Variants in TLK2 observed in about 807,000 individuals in gnomAD.
TLK2 encodes the protein serine/threonine-protein kinase tousled-like 2.
Under a neutral mutation model 117.3 loss-of-function variants are expected in TLK2, and 6 were observed. The ratio of observed to expected loss-of-function variants is 0.05; its 90% CI spans 0.03 to 0.10. The LOEUF (loss-of-function observed/expected upper bound fraction) is 0.10. Ranked by LOEUF, TLK2 falls within the 10% of genes least tolerant of loss-of-function variation. TLK2 has a pLI of 1.00. For synonymous variants in TLK2, 257 were observed against 316.7 expected (o/e 0.81, Z 2.00); for missense variants, 299 against 901.2 (o/e 0.33, Z 8.56).
intron 10 of TLK2, among the ~76,000 whole-genome samples, chr17:62,563,952 A>G (rs1182544005): frequency 3.3e-5 from 5 of 152,212 alleles, no homozygotes; most frequent in Non-Finnish European, 5.9e-5. Context: ...GATTTGGAAC[A>G]TCAAACTGGA....
At chr17:62,562,640 T>TA (rs1039724618) in intron 10 of TLK2, among the ~76,000 whole-genome samples, 2 of 151,908 alleles carry the variant, frequency 1.3e-5, no homozygotes, top group Non-Finnish European at 2.9e-5. Context: ...TGACTAGAAA[T>TA]AAAAAAAACC....
At chr17:62,522,891 CAA>C (rs1007533533) in intron 4 of TLK2, among the ~76,000 whole-genome samples, 11 of 152,214 alleles carry the variant, frequency 7.2e-5, no homozygotes, top group Non-Finnish European at 1.3e-4. Context: ...CCCAAAGTGA[CAA>C]GAAAAATTAC....
intron 19 of TLK2, among the ~76,000 whole-genome samples, chr17:62,604,454 T>C (rs1266319581): frequency 1.3e-5 from 2 of 152,132 alleles, no homozygotes; most frequent in African/African-American, 4.8e-5. Context: ...AGAGCTGTCT[T>C]TTACTCTCCT....
chr17:62,552,825 TTATTAG>T (rs1376343819), intron 8 of TLK2, among the ~76,000 whole-genome samples: 1 of 152,184 alleles, frequency 6.6e-6, no homozygotes, highest in Non-Finnish European at 1.5e-5. Context: ...TACAAAATGT[TTATTAG>T]TAGTGTACTT....
At chr17:62,519,195 T>C (rs1414626222) in intron 2 of TLK2, among the ~76,000 whole-genome samples, 2 of 152,188 alleles carry the variant, frequency 1.3e-5, no homozygotes, top group Non-Finnish European at 2.9e-5. Context: ...TGTTTTGAGT[T>C]AATTTTTATG....
chr17:62,488,756 T>C (rs1293470962), intron 2 of TLK2, among the ~76,000 whole-genome samples: 1 of 152,174 alleles, frequency 6.6e-6, no homozygotes, highest in Non-Finnish European at 1.5e-5. Flanking sequence ...CAGATATTTT[T>C]AACTTATCAA....
intron 19 of TLK2, among the ~76,000 whole-genome samples, chr17:62,605,102 C>T (rs373672999): frequency 1.6e-4 from 24 of 151,644 alleles, no homozygotes; most frequent in African/African-American, 3.1e-4. Context: ...CTGAGGCGGG[C>T]GGATCACGAG....
At chr17:62,554,476 G>A (rs2146242060) in intron 9 of TLK2, among the ~76,000 whole-genome samples, 1 of 152,268 alleles carries the variant, frequency 6.6e-6, no homozygotes, top group East Asian at 1.9e-4. Flanking sequence ...TAGCTACTTG[G>A]GAGGCTGAGA....
rs2071262467 is a variant in TLK2 at position 62,478,978 on chromosome 17, C to T, written c.-318C>T. On this transcript the variant is annotated 5_prime_UTR_variant, in exon 1 of 22. Transcript: ENST00000346027. ...TGGCCCGGCCTGGGCCCTCCTGCGC[C>T]TCCCTTGGCCTTTGTCCGGCGCCAG... 1 of 150,978 alleles carries T rather than the reference C, an allele frequency of 6.6e-6. No individual in the cohort carries two copies. Among genetic ancestry groups the T allele is most frequent in the Admixed American group, 6.6e-5 (1 of 15,166 alleles). The allele number at this position is 150,978 out of a possible 1,614,324, so 9.4% of individuals were successfully genotyped here.
intron 19 of TLK2, among the ~76,000 whole-genome samples, chr17:62,605,415 C>T (rs1353419318): frequency 6.6e-6 from 1 of 152,132 alleles, no homozygotes; most frequent in South Asian, 2.1e-4. Flanking sequence ...GTCTCACTCT[C>T]TTGCTGGAGT....
At position 62,539,748 on chromosome 17, in the gene TLK2, C is replaced by T. The variant is rs148539044; in HGVS notation, c.531+3411C>T. On this transcript the variant is annotated intron_variant, in intron 7 of 21. Transcript: ENST00000346027. ...AACTCCTGACCTCAAGTGATCCTCC[C>T]GCCTCGGCCTCCCCAAAGTTCTGGG... Among the ~76,000 whole-genome samples the T allele has an allele frequency of 3.9e-5, 6 of 152,224 alleles. No homozygotes were observed. The East Asian group carries it at 5.8e-4, about 15-fold the overall frequency.
At chr17:62,473,112 G>T (rs1302183040) in intron 1 of TLK2, among the ~76,000 whole-genome samples, 1 of 152,168 alleles carries the variant, frequency 6.6e-6, no homozygotes, top group Non-Finnish European at 1.5e-5. Flanking sequence ...TACAGGCTGT[G>T]GGGCTGGGGG....
At chr17:62,561,837 A>G (rs905250792) in intron 10 of TLK2, among the ~76,000 whole-genome samples, 3 of 152,244 alleles carry the variant, frequency 2.0e-5, no homozygotes, top group African/African-American at 7.2e-5. Context: ...ACTTCCTGAA[A>G]TCAGCAGAGA....
intron 11 of TLK2, among the ~76,000 whole-genome samples, chr17:62,569,883 C>T (rs777381618): frequency 2.6e-5 from 4 of 152,160 alleles, no homozygotes; most frequent in Non-Finnish European, 4.4e-5. Flanking sequence ...TATTCTCTCA[C>T]ACTTCAGGAG....
intron 7 of TLK2, among the ~76,000 whole-genome samples, chr17:62,538,880 A>G (rs963699463): frequency 2.6e-5 from 4 of 152,230 alleles, no homozygotes; most frequent in African/African-American, 7.2e-5. Flanking sequence ...ATACAAGTGT[A>G]AATCAGCAAA....
chr17:62,600,955 G>C, intron 18 of TLK2, 135 bp downstream of exon 18: 2 of 896,792 alleles, frequency 2.2e-6, no homozygotes, highest in South Asian at 3.9e-5. Context: ...TGCCTGGGTA[G>C]GTGTGGGAAA....
intron 8 of TLK2, 172 bp from the exon 9 acceptor site, chr17:62,553,491 C>T: frequency 1.7e-6 from 1 of 596,026 alleles, no homozygotes. Context: ...CAGCAGAGGA[C>T]TTGAAGAATG....
At chr17:62,490,628 A>G (rs1209393887) in intron 2 of TLK2, among the ~76,000 whole-genome samples, 1 of 151,462 alleles carries the variant, frequency 6.6e-6, no homozygotes, top group East Asian at 1.9e-4. Flanking sequence ...TGCAACCTCC[A>G]CCTCCCGGGT....
Position 62,606,232 on chromosome 17 carries a change from T to C in TLK2, c.1962T>C (p.Tyr654=), listed in dbSNP as rs199498762. ...GTGTGATCTTCTATCAGTGTCTTTA[T>C]GGAAGGAAGGTAAGTTAGAAGGTTG... ...SVGVIFYQCL[Y]GRKPFGHNQS... Residue 654 remains tyrosine, a synonymous_variant, in exon 20 of 22, where the codon TAT becomes TAC. Coordinates refer to ENST00000346027, the MANE Select transcript of TLK2 (RefSeq NM_006852.6). 1.3e-6 allele frequency: 2 copies of C among 1,585,582 alleles called. No individual in the cohort carries two copies. Among genetic ancestry groups the C allele is most frequent in the Non-Finnish European group, 1.7e-6 (2 of 1,161,806 alleles).
Sources: gnomAD v4.1 joint callset for allele counts (sites outside exome capture counted in the v4.1 genomes callset) on GRCh38, gnomAD v4.1.1 for gene constraint, MANE v1.5 for transcripts, NCBI Gene and HGNC (gene_info 2026-07-23, HGNC 2026-07-21) for gene names.